Variants in ROBO1 observed in about 807,000 individuals in gnomAD.
ROBO1 encodes roundabout homolog 1.
ROBO1 carries 149 observed loss-of-function variants against 195.9 expected under a neutral mutation model. That is an observed-to-expected ratio of 0.76 (90% CI 0.67 to 0.87). The LOEUF (loss-of-function observed/expected upper bound fraction) is 0.87. ROBO1 is among the 40% of genes least tolerant of loss of function. The pLI is 0.00. For synonymous variants in ROBO1, 816 were observed against 733.2 expected (o/e 1.11, Z -1.82); for missense variants, 1,933 against 2,068.3 (o/e 0.93, Z 1.27).
At chr3:78,647,161 A>G (rs1245435142) in intron 20 of ROBO1, among the ~76,000 whole-genome samples, 1 of 152,022 alleles carries the variant, frequency 6.6e-6, no homozygotes, top group African/African-American at 2.4e-5. Flanking sequence ...TAGGATTCTG[A>G]CTTAGGGAAA....
At chr3:79,307,150 C>T (rs1223947370) in intron 2 of ROBO1, among the ~76,000 whole-genome samples, 1 of 152,096 alleles carries the variant, frequency 6.6e-6, no homozygotes, top group African/African-American at 2.4e-5. Context: ...ACATTTCCTG[C>T]TGGAGAGATG....
chr3:79,182,745 T>C (rs1466861288), intron 2 of ROBO1, among the ~76,000 whole-genome samples: 1 of 152,116 alleles, frequency 6.6e-6, no homozygotes, highest in Admixed American at 6.5e-5. Context: ...CAAGTGACTA[T>C]TTTCCCACTT....
intron 8 of ROBO1, among the ~76,000 whole-genome samples, chr3:78,698,040 AT>A (rs1197756530): frequency 3.9e-5 from 6 of 152,170 alleles, no homozygotes; most frequent in East Asian, 3.9e-4. Flanking sequence ...AATTGAGGCG[AT>A]TTTTTCCCCA....
intron 2 of ROBO1, among the ~76,000 whole-genome samples, chr3:79,279,829 A>G (rs1252707247): frequency 1.3e-5 from 2 of 151,692 alleles, no homozygotes; most frequent in Admixed American, 6.6e-5. Context: ...AAGGTATCAC[A>G]TGTGTTGTTG....
At chr3:79,757,011 G>GA (rs1232716895) in intron 1 of ROBO1, among the ~76,000 whole-genome samples, 1 of 151,976 alleles carries the variant, frequency 6.6e-6, no homozygotes, top group Non-Finnish European at 1.5e-5. Context: ...TTTTATGGTT[G>GA]AAAAAAATTT....
chr3:79,157,831 T>C (rs961139279), intron 2 of ROBO1, among the ~76,000 whole-genome samples: 2 of 151,928 alleles, frequency 1.3e-5, no homozygotes, highest in African/African-American at 2.4e-5. Context: ...TATATTCATT[T>C]ACTTTTGAAA....
At chr3:79,762,595 C>A (rs1395678762) in intron 1 of ROBO1, among the ~76,000 whole-genome samples, 5 of 146,474 alleles carry the variant, frequency 3.4e-5, no homozygotes, top group African/African-American at 1.3e-4. Context: ...CCATTTGGGG[C>A]AGAATTCTGG....
chr3:79,562,143 A>G (rs1942942122), intron 2 of ROBO1, among the ~76,000 whole-genome samples: 1 of 152,150 alleles, frequency 6.6e-6, no homozygotes, highest in South Asian at 2.1e-4. Flanking sequence ...AACAAAGTTC[A>G]GAGTTCAAAA....
intron 21 of ROBO1, 70 bp downstream of exon 21, chr3:78,646,078 G>A (rs1706263419): frequency 1.5e-6 from 2 of 1,290,696 alleles, no homozygotes; most frequent in Non-Finnish European, 2.2e-6. Flanking sequence ...AGAGAAAGTG[G>A]TGTCATTGAG....
At chr3:79,061,652 T>C (rs947949431) in intron 3 of ROBO1, among the ~76,000 whole-genome samples, 1 of 151,892 alleles carries the variant, frequency 6.6e-6, no homozygotes. Context: ...CCAAAACAGA[T>C]ATATAGACCA....
chr3:79,060,156 A>G (rs1226185692), intron 3 of ROBO1, among the ~76,000 whole-genome samples: 2 of 151,934 alleles, frequency 1.3e-5, no homozygotes, highest in Non-Finnish European at 2.9e-5. Flanking sequence ...GCTTGCTAGG[A>G]TTGAGAAATT....
intron 3 of ROBO1, among the ~76,000 whole-genome samples, chr3:78,985,655 A>T (rs1381662505): frequency 1.3e-5 from 2 of 152,162 alleles, no homozygotes; most frequent in African/African-American, 4.8e-5. Flanking sequence ...CTTGGCCTCT[A>T]CTCACGAGAT....
At chr3:79,517,791 C>T (rs1559958802) in intron 2 of ROBO1, among the ~76,000 whole-genome samples, 1 of 152,146 alleles carries the variant, frequency 6.6e-6, no homozygotes, top group Non-Finnish European at 1.5e-5. Context: ...TAGTTGTAGA[C>T]ATTTTATTAC....
rs190431260 is a variant in ROBO1, at chr3:78,833,345, C to T, written c.500-86445G>A. ...AAGTCAAGGATTATTTCGTTTTTAGCTTAGTGGGCCAGATACGTGGTTGCA... is the reference window on the plus strand; with the variant it reads ...AAGTCAAGGATTATTTCGTTTTTAGTTTAGTGGGCCAGATACGTGGTTGCA... On this transcript the variant is annotated intron_variant, in intron 4 of 30. Coordinates refer to ENST00000464233, the MANE Select transcript of ROBO1 (RefSeq NM_002941.4). Among the ~76,000 whole-genome samples, 20 of 152,164 alleles carry T rather than the reference C, an allele frequency of 1.3e-4. No individual in the cohort carries two copies. The East Asian group carries it at 3.9e-3, about 29-fold the overall frequency.
intron 2 of ROBO1, among the ~76,000 whole-genome samples, chr3:79,160,849 G>T (rs1280181795): frequency 1.3e-5 from 2 of 151,904 alleles, no homozygotes; most frequent in Non-Finnish European, 2.9e-5. Flanking sequence ...TGTAACTGGG[G>T]CTAAGCCTCA....
chr3:79,221,876 A>C (rs1426347495), intron 2 of ROBO1, among the ~76,000 whole-genome samples: 1 of 152,124 alleles, frequency 6.6e-6, no homozygotes, highest in African/African-American at 2.4e-5. Context: ...CTCTCTGAGA[A>C]TACTGGATAG....
chr3:79,429,439 A>C (rs1036608534), intron 2 of ROBO1, among the ~76,000 whole-genome samples: 4 of 152,108 alleles, frequency 2.6e-5, no homozygotes, highest in African/African-American at 9.7e-5. Flanking sequence ...TCTCACACTC[A>C]GGTTCCGGGT....
At chr3:79,160,967 A>G (rs1043123339) in intron 2 of ROBO1, among the ~76,000 whole-genome samples, 2 of 152,080 alleles carry the variant, frequency 1.3e-5, no homozygotes, top group African/African-American at 4.8e-5. Flanking sequence ...CCCTCATGAG[A>G]TAATTTTCCG....
intron 21 of ROBO1, among the ~76,000 whole-genome samples, chr3:78,642,630 TTAAG>T (rs1251835432): frequency 4.6e-5 from 7 of 152,178 alleles, no homozygotes; most frequent in African/African-American, 1.7e-4. Context: ...GTGGTTTGGA[TTAAG>T]TATGTTTTTT....
Sources: allele counts gnomAD v4.1 joint callset (sites outside exome capture counted in the v4.1 genomes callset), GRCh38; gene constraint gnomAD v4.1.1; transcripts MANE v1.5; gene names NCBI Gene and HGNC (gene_info 2026-07-23, HGNC 2026-07-21).